The following LIX1L variants were observed in gnomAD, a reference collection of about 807,000 sequenced individuals.
LIX1L encodes limb and CNS expressed 1 like, also known as LIX1-like protein.
In LIX1L, 20 loss-of-function variants were observed where a neutral mutation model predicts 34.0. That is an observed-to-expected ratio of 0.59 (90% CI 0.41 to 0.85). LIX1L has a LOEUF of 0.85. Among genes scored for constraint, LIX1L ranks in the 40% least tolerant of loss-of-function variants. The pLI, the probability that LIX1L is intolerant of heterozygous loss-of-function variation, is 0.00. For synonymous variants in LIX1L, 170 were observed against 187.4 expected, an observed-to-expected ratio of 0.91 and a Z score of 0.76; for missense variants, 397 against 447.0, an observed-to-expected ratio of 0.89 and a Z score of 1.01.
At chr1:145,936,718 T>C in intron 5 of LIX1L, 166 bp from the exon 6 acceptor site, 2 of 856,252 alleles carry the variant, frequency 2.3e-6, no homozygotes, top group Non-Finnish European at 3.7e-6. Context: ...GGAAGCAAGA[T>C]AGACAAAAGA....
rs12078014 is a variant in LIX1L, at chr1:145,933,638, T to C, written c.*2672A>G. On this transcript the variant is annotated 3_prime_UTR_variant, in exon 6 of 6. Coordinates refer to ENST00000604000, the MANE Select transcript of LIX1L (RefSeq NM_153713.3). ...TCTTCCCACAACTCACACCCCTTAA[T>C]CCACACGTCCCAGAGAAAGGAGAAA... 0.095 allele frequency: 14,381 copies of C among 152,084 alleles called. 2,166 individuals carry two copies. The highest frequency in any genetic ancestry group is 0.32 in the African/African-American group (13,126 of 41,406). 9.4% of individuals were successfully genotyped at this position (152,084 alleles called of 1,614,324 possible).
intron 1 of LIX1L, among the ~76,000 whole-genome samples, chr1:145,953,262 T>C (rs771266399): frequency 6.6e-6 from 1 of 152,116 alleles, no homozygotes; most frequent in African/African-American, 2.4e-5. Context: ...AAAAATTTTA[T>C]ATCATAAGGA....
chr1:145,948,469 C>T lies in LIX1L; in HGVS notation c.293-687G>A, dbSNP rs1206276895. Among the ~76,000 whole-genome samples the T allele has an allele frequency of 6.6e-6, 1 of 152,144 alleles. No individual in the cohort carries two copies. The highest frequency in any genetic ancestry group is 1.5e-5 in the Non-Finnish European group (1 of 68,032). On this transcript the variant is annotated intron_variant, in intron 1 of 5. Coordinates refer to ENST00000604000, the MANE Select transcript of LIX1L (RefSeq NM_153713.3). The surrounding 1 kb of genome is among the most constrained non-coding windows in gnomAD (Gnocchi z 4.0). ...CTCAAGGAAATATAGCCCTAATAACCATTCTCGAGCCTGTGCTTCTAGTGA... is the reference window on the plus strand; with the variant it reads ...CTCAAGGAAATATAGCCCTAATAACTATTCTCGAGCCTGTGCTTCTAGTGA...
chr1:145,940,333 T>TTTTCC (rs1648852032), intron 3 of LIX1L, among the ~76,000 whole-genome samples: 4 of 151,498 alleles, frequency 2.6e-5, no homozygotes, highest in Non-Finnish European at 1.5e-5. Flanking sequence ...GTTTCTTTTT[T>TTTTCC]TTTCCTTTCC....
At chr1:145,952,905 C>T (rs1467085193) in intron 1 of LIX1L, among the ~76,000 whole-genome samples, 1 of 152,096 alleles carries the variant, frequency 6.6e-6, no homozygotes, top group Non-Finnish European at 1.5e-5. Flanking sequence ...GTCACCGCAC[C>T]TAACCTAAAA....
chr1:145,943,065 C>T (rs1328561381), intron 2 of LIX1L, among the ~76,000 whole-genome samples: 1 of 152,178 alleles, frequency 6.6e-6, no homozygotes, highest in South Asian at 2.1e-4. Context: ...CATTAAGGAA[C>T]TGGGAGAGGG....
rs1282127823 is a variant in LIX1L at position 145,934,601 on chromosome 1, TGG to T, written c.*1707_*1708del. The T allele has an allele frequency of 8.3e-6, 1 of 120,460 alleles. No homozygotes were observed. Among genetic ancestry groups the T allele is most frequent in the Non-Finnish European group, 1.6e-5 (1 of 62,410 alleles). The allele number at this position is 120,460 out of a possible 1,614,324, so 7.5% of individuals were successfully genotyped here. A position where few individuals can be genotyped will look rare whatever the true frequency, so the allele number is the denominator to read the frequency against. The stretch of plus-strand genomic sequence containing the variant: ...AAAAAAAAAAAACACACAAATAGTT[TGG>T]GAGGCCGAGGCAGGTGGATCACGAG... On this transcript the variant is annotated 3_prime_UTR_variant, in exon 6 of 6. Coordinates refer to ENST00000604000, the MANE Select transcript of LIX1L (RefSeq NM_153713.3).
At chr1:145,946,291 A>G (rs587686698) in intron 2 of LIX1L, among the ~76,000 whole-genome samples, 152 of 149,806 alleles carry the variant, frequency 1.0e-3, no homozygotes, top group African/African-American at 3.5e-3. Flanking sequence ...CTCCGCCTCC[A>G]GAGTTCAAGC....
chr1:145,937,856 A>C (rs1277998003), intron 3 of LIX1L, among the ~76,000 whole-genome samples, 157 bp from the exon 4 acceptor site: 1 of 152,214 alleles, frequency 6.6e-6, no homozygotes, highest in Non-Finnish European at 1.5e-5. Context: ...GTCCAGGTGC[A>C]GTGGCTCATG....
chr1:145,947,020 G>A (rs1170949877), intron 2 of LIX1L: 3 of 152,160 alleles, frequency 2.0e-5, no homozygotes, highest in Non-Finnish European at 4.4e-5. Context: ...ATCATCATAG[G>A]TATTTCACAT....
chr1:145,954,587 G>C lies in LIX1L; in HGVS notation c.292+3049C>G, dbSNP rs369764414. Among the ~76,000 whole-genome samples the C allele has an allele frequency of 8.5e-5, 13 of 152,282 alleles. No individual in the cohort carries two copies. In the East Asian group the frequency reaches 2.3e-3, roughly 27 times the overall value. On this transcript the variant is annotated intron_variant, in intron 1 of 5. Coordinates refer to ENST00000604000, the MANE Select transcript of LIX1L (RefSeq NM_153713.3). ...GGATAGCAATACTTCCAAAACAACA[G>C]GTTTGAAGAGGGAAATGTAGCAATT... is the stretch of plus-strand genomic sequence containing the variant.
chr1:145,954,271 T>C (rs1377883341), intron 1 of LIX1L, among the ~76,000 whole-genome samples: 2 of 152,098 alleles, frequency 1.3e-5, no homozygotes, highest in East Asian at 3.9e-4. Context: ...ATTTTGGACT[T>C]CTGGCCTCCA....
chr1:145,952,586 G>A (rs1021071727), intron 1 of LIX1L, among the ~76,000 whole-genome samples: 3 of 151,986 alleles, frequency 2.0e-5, no homozygotes, highest in Non-Finnish European at 4.4e-5. Context: ...GGAATGAGAG[G>A]TAGTGATCAT....
At chr1:145,957,014 A>G (rs1479597091) in intron 1 of LIX1L, among the ~76,000 whole-genome samples, 8 of 152,228 alleles carry the variant, frequency 5.3e-5, no homozygotes, top group Admixed American at 5.2e-4. Flanking sequence ...AAGATACCAA[A>G]GTAAGGTACT....
rs1178841399 is a variant in LIX1L, at chr1:145,943,746, T to C, written c.457-893A>G. On this transcript the variant is annotated intron_variant, in intron 2 of 5. Coordinates refer to ENST00000604000, the MANE Select transcript of LIX1L (RefSeq NM_153713.3). ...AAAGTGATGTTGCAGTTTTTAAAAG[T>C]AGACCAAGGCCGGGCTTGGTGGCTC... 3.9e-5 allele frequency among the ~76,000 whole-genome samples: 6 copies of C among 151,934 alleles called. No homozygotes were observed. In the East Asian group the frequency reaches 5.8e-4, roughly 15 times the overall value.
In LIX1L at chr1:145,933,715, G is replaced by A. The variant is rs1156261037; in HGVS notation, c.*2595C>T. 6.6e-6 allele frequency: 1 copy of A among 152,054 alleles called. No homozygotes were observed. Among genetic ancestry groups the A allele is most frequent in the African/African-American group, 2.4e-5 (1 of 41,396 alleles). The allele number at this position is 152,054 out of a possible 1,614,324, so 9.4% of individuals were successfully genotyped here. ...TAAATGTCAAACAGACACACCTGGT[G>A]TGTCTAGCTGTTTTTGCCTTTACTC... On this transcript the variant is annotated 3_prime_UTR_variant, in exon 6 of 6. Coordinates refer to ENST00000604000, the MANE Select transcript of LIX1L (RefSeq NM_153713.3).
intron 3 of LIX1L, among the ~76,000 whole-genome samples, chr1:145,937,988 C>A (rs1017672180): frequency 4.6e-5 from 7 of 151,792 alleles, no homozygotes; most frequent in Non-Finnish European, 8.8e-5. Context: ...ATTAGCCGGG[C>A]ATGGTAGTGG....
At chr1:145,938,584 C>CTT (rs56063107) in intron 3 of LIX1L, among the ~76,000 whole-genome samples, 68 of 145,940 alleles carry the variant, frequency 4.7e-4, no homozygotes, top group Non-Finnish European at 7.1e-4. Context: ...TAAAAATTTC[C>CTT]TTTTTTTTTT....
chr1:145,939,305 AT>A (rs61153888), intron 3 of LIX1L, among the ~76,000 whole-genome samples: 317 of 137,366 alleles, frequency 2.3e-3, no homozygotes, highest in East Asian at 2.5e-3. Context: ...TGGAACCATA[AT>A]TTTTTTTTTT....
Sources: allele counts gnomAD v4.1 joint callset (sites outside exome capture counted in the v4.1 genomes callset), GRCh38; gene constraint gnomAD v4.1.1; non-coding constraint Gnocchi (gnomAD v3.1); transcripts MANE v1.5; gene names NCBI Gene and HGNC (gene_info 2026-07-23, HGNC 2026-07-21).